COPG2: variants seen among roughly 807,000 people sequenced by gnomAD.
The protein encoded by COPG2 is coatomer subunit gamma-2.
COPG2 carries 37 observed loss-of-function variants against 46.3 expected under a neutral mutation model. The ratio of observed to expected loss-of-function variants is 0.80; its 90% CI spans 0.61 to 1.05. COPG2 has a LOEUF of 1.05. COPG2 is among the 50% of genes least tolerant of loss of function. The probability of loss-of-function intolerance (pLI) is 0.00; values close to 1 mark genes in which losing one functional copy is unlikely to be tolerated. For synonymous variants in COPG2, 159 were observed against 129.7 expected (o/e 1.23, Z -1.53); for missense variants, 427 against 387.8 (o/e 1.10, Z -0.85).
intron 5 of COPG2, among the ~76,000 whole-genome samples, chr7:130,633,844 T>C (rs187090158): frequency 2.0e-5 from 3 of 152,388 alleles, no homozygotes; most frequent in Admixed American, 2.0e-4. Context: ...AGGGTTTTTA[T>C]GGTTTTAGGT....
At chr7:130,650,072 C>A (rs1026761762) in intron 5 of COPG2, among the ~76,000 whole-genome samples, 5 of 152,138 alleles carry the variant, frequency 3.3e-5, no homozygotes, top group Admixed American at 2.0e-4. Flanking sequence ...TTACCACATT[C>A]CTTGACTCAT....
chr7:130,551,368 C>A, intron 15 of COPG2, 24 bp from the exon 16 acceptor site: 1 of 398,302 alleles, frequency 2.5e-6, no homozygotes, highest in Non-Finnish European at 4.4e-6. Flanking sequence ...ACAGAATAGT[C>A]ATGTCACAGT....
At chr7:130,611,613 G>C (rs1794850648) in intron 8 of COPG2, among the ~76,000 whole-genome samples, 1 of 152,130 alleles carries the variant, frequency 6.6e-6, no homozygotes, top group South Asian at 2.1e-4. Context: ...CCTAATAACT[G>C]AATATGTTAC....
chr7:130,651,515 T>A (rs112697763), intron 5 of COPG2, among the ~76,000 whole-genome samples: 1 of 110,670 alleles, frequency 9.0e-6, no homozygotes, highest in African/African-American at 3.3e-5. Context: ...TTTTTTTTTT[T>A]TTTTTTTTTT....
At chr7:130,531,209 G>A (rs1224168154) in intron 20 of COPG2, among the ~76,000 whole-genome samples, 2 of 134,696 alleles carry the variant, frequency 1.5e-5, no homozygotes, top group Non-Finnish European at 3.2e-5. Flanking sequence ...GGGGAGTGGG[G>A]TATGTTGAGC....
In COPG2 at chr7:130,535,844, G is replaced by A. The variant is rs951896962; in HGVS notation, c.2149+11830C>T. Among the ~76,000 whole-genome samples, 4 of 152,046 alleles carry A rather than the reference G, an allele frequency of 2.6e-5. 1 individual carries two copies. The highest frequency in any genetic ancestry group is 1.3e-4 in the Admixed American group (2 of 15,260). On this transcript the variant is annotated intron_variant, in intron 20 of 23. Transcript: ENST00000425248. ...TTGAGGTTGATGAATACAGGCTAGAGAAGACATCTGAGTCCGGCAAAAGAA... is the reference window on the plus strand; with the variant it reads ...TTGAGGTTGATGAATACAGGCTAGAAAAGACATCTGAGTCCGGCAAAAGAA...
rs1793468884 is a variant in COPG2 at position 130,547,751 on chromosome 7, G to A, written c.2072C>T (p.Pro691Leu). Residue 691 changes from proline to leucine, a missense_variant, in exon 20 of 24, where the codon CCA becomes CTA. Coordinates refer to ENST00000425248, the MANE Select transcript of COPG2 (RefSeq NM_012133.6). ...SDSYEVLSCI[P>L]APSLPYNQPG... ...TTGGTTATAAGGAAGGCTGGGGGCTGGGATACAAGACAGCACTTCATAGGA... is the reference window on the plus strand; with the variant it reads ...TTGGTTATAAGGAAGGCTGGGGGCTAGGATACAAGACAGCACTTCATAGGA... The A allele has an allele frequency of 2.5e-6, 1 of 398,640 alleles. No homozygotes were observed. The highest frequency in any genetic ancestry group is 4.4e-5 in the Admixed American group (1 of 22,716). The allele number at this position is 398,640 out of a possible 1,614,324, so 24.7% of individuals were successfully genotyped here.
chr7:130,628,111 AGTTT>A (rs781989258), intron 5 of COPG2, among the ~76,000 whole-genome samples: 2 of 152,184 alleles, frequency 1.3e-5, no homozygotes, highest in South Asian at 2.1e-4. Flanking sequence ...TGGTCTTGTT[AGTTT>A]GTTTTCTGTT....
At chr7:130,645,140 T>A in intron 5 of COPG2, 3 of 460,150 alleles carry the variant, frequency 6.5e-6, no homozygotes, top group Non-Finnish European at 8.4e-6. Context: ...AGCAGGAAAA[T>A]TAGTGTTCAC....
intron 5 of COPG2, among the ~76,000 whole-genome samples, chr7:130,638,806 G>A (rs1247427655): frequency 6.6e-6 from 1 of 152,134 alleles, no homozygotes; most frequent in African/African-American, 2.4e-5. Context: ...CTAGCTCGGT[G>A]TCTGCCCAAA....
intron 20 of COPG2, among the ~76,000 whole-genome samples, chr7:130,514,656 G>A (rs1156935659): frequency 6.6e-6 from 1 of 152,122 alleles, no homozygotes; most frequent in Non-Finnish European, 1.5e-5. Flanking sequence ...AGGAGAAAAG[G>A]AATAGGAGAA....
At chr7:130,549,548 T>G (rs1258513571) in intron 17 of COPG2, among the ~76,000 whole-genome samples, 172 bp from the exon 18 acceptor site, 2 of 152,202 alleles carry the variant, frequency 1.3e-5, no homozygotes, top group Non-Finnish European at 1.5e-5. Flanking sequence ...CAAATTAAAA[T>G]GTATTTAGTG....
intron 5 of COPG2, among the ~76,000 whole-genome samples, chr7:130,638,071 A>AT (rs1441638700): frequency 4.6e-5 from 7 of 152,150 alleles, no homozygotes; most frequent in African/African-American, 1.4e-4. Context: ...AACAGCAAAG[A>AT]TTGCCGCCTG....
intron 20 of COPG2, among the ~76,000 whole-genome samples, chr7:130,523,381 GAA>G (rs1194651189): frequency 1.3e-5 from 2 of 152,162 alleles, no homozygotes; most frequent in Non-Finnish European, 2.9e-5. Flanking sequence ...AATAGCAAAA[GAA>G]GAAACCGAGC....
chr7:130,667,868 G>C (rs191862192), intron 1 of COPG2, among the ~76,000 whole-genome samples: 29 of 152,240 alleles, frequency 1.9e-4, no homozygotes, highest in Admixed American at 9.8e-4. Flanking sequence ...ATTTCCTTAG[G>C]TAAGCAGTAT....
Position 130,608,464 on chromosome 7 carries a change from C to T in COPG2, c.737+2489G>A, listed in dbSNP as rs544063083. On this transcript the variant is annotated intron_variant, in intron 9 of 23. Transcript: ENST00000425248. The stretch of plus-strand genomic sequence containing the variant: ...TCATTTCTTTTTAGCTGGAAAAACT[C>T]CTTTTAGCATCCTTCATGATGCAGG... Among the ~76,000 whole-genome samples the T allele has an allele frequency of 2.6e-5, 4 of 152,276 alleles. No homozygotes were observed. In the South Asian group the frequency reaches 8.3e-4, roughly 32 times the overall value.
chr7:130,561,065 A>C lies in COPG2; in HGVS notation c.1096T>G (p.Ser366Ala). The C allele has an allele frequency of 2.5e-6, 1 of 398,556 alleles. No homozygotes were observed. Among genetic ancestry groups the C allele is most frequent in the Non-Finnish European group, 4.4e-6 (1 of 226,042 alleles). 24.7% of individuals were successfully genotyped at this position (398,556 alleles called of 1,614,324 possible). Residue 366 changes from serine to alanine, a missense_variant, in exon 12 of 24, where the codon TCT (serine) becomes GCT (alanine). Physicochemically the swap from Ser to Ala is moderately conservative, Grantham distance 99. Transcript: ENST00000425248. ...SVDRLMKQIS[S>A]FVSEISDEFK... ...TCATCTGAGATTTCAGACACAAAAG[A>C]AGATATCTGCTTCATGAGCCGGTCC...
intron 4 of COPG2, among the ~76,000 whole-genome samples, chr7:130,660,025 T>C: frequency 6.6e-6 from 1 of 152,326 alleles, no homozygotes; most frequent in South Asian, 2.1e-4. Context: ...TAAACAACGA[T>C]AGAAGAATAC....
intron 20 of COPG2, among the ~76,000 whole-genome samples, chr7:130,514,606 A>G (rs1554441454): frequency 6.6e-6 from 1 of 152,222 alleles, no homozygotes; most frequent in African/African-American, 2.4e-5. Context: ...GGGAGGCTGA[A>G]GATAAGGTAG....
Sources: gnomAD v4.1 joint callset for allele counts (sites outside exome capture counted in the v4.1 genomes callset) on GRCh38, gnomAD v4.1.1 for gene constraint, MANE v1.5 for transcripts, NCBI Gene and HGNC (gene_info 2026-07-23, HGNC 2026-07-21) for gene names.